DLGAP2: variants seen among roughly 807,000 people sequenced by gnomAD.
The protein encoded by DLGAP2 is disks large-associated protein 2.
DLGAP2 carries 26 observed loss-of-function variants against 100.3 expected under a neutral mutation model. The ratio of observed to expected loss-of-function variants is 0.26; its 90% CI spans 0.19 to 0.36. The LOEUF is 0.36. Among genes scored for constraint, DLGAP2 ranks in the 10% least tolerant of loss-of-function variants. The probability of loss-of-function intolerance (pLI) is 1.00; values close to 1 mark genes in which losing one functional copy is unlikely to be tolerated. For synonymous variants in DLGAP2, 886 were observed against 630.1 expected, an observed-to-expected ratio of 1.41 and a Z score of -6.08; for missense variants, 1,858 against 1,453.2, an observed-to-expected ratio of 1.28 and a Z score of -4.53.
chr8:1,466,234 G>A (rs1382284604), intron 3 of DLGAP2, among the ~76,000 whole-genome samples: 1 of 152,166 alleles, frequency 6.6e-6, no homozygotes, highest in East Asian at 1.9e-4. Context: ...CTAATCCACA[G>A]AGTGGGCTTT....
At chr8:1,620,689 A>G (rs1186582140) in intron 6 of DLGAP2, among the ~76,000 whole-genome samples, 6 of 151,902 alleles carry the variant, frequency 3.9e-5, no homozygotes, top group African/African-American at 1.5e-4. Context: ...TTGGTGTCTC[A>G]TGAGAAACCA....
intron 3 of DLGAP2, among the ~76,000 whole-genome samples, chr8:1,332,961 C>T (rs968630922): frequency 3.9e-5 from 6 of 152,180 alleles, no homozygotes; most frequent in African/African-American, 9.6e-5. Context: ...TACTCCCTTC[C>T]ACAAGCATGT....
intron 8 of DLGAP2, among the ~76,000 whole-genome samples, chr8:1,644,227 T>G (rs1797986036): frequency 6.6e-6 from 1 of 152,192 alleles, no homozygotes; most frequent in African/African-American, 2.4e-5. Context: ...CCATCCTGCC[T>G]GCAGGACATT....
At chr8:1,004,642 C>T (rs1801054087) in intron 2 of DLGAP2, among the ~76,000 whole-genome samples, 1 of 152,152 alleles carries the variant, frequency 6.6e-6, no homozygotes, top group South Asian at 2.1e-4. Context: ...CTGGCTCAGT[C>T]ACAGCTTAGA....
chr8:1,344,223 G>A lies in DLGAP2; in HGVS notation c.106+85340G>A, dbSNP rs76197274. Among the ~76,000 whole-genome samples, 68 of 45,812 alleles carry A rather than the reference G, an allele frequency of 1.5e-3. 2 individuals carry two copies. The East Asian group carries it at 0.015, about 10-fold the overall frequency. 30.1% of individuals were successfully genotyped at this position (45,812 alleles called of 152,430 possible). A position where few individuals can be genotyped will look rare whatever the true frequency, so the allele number is the denominator to read the frequency against. ...GGGGCCCTGTCGTGGGGCCTGTGCC[G>A]TGTAGAATCTGTAGCTGCACACTTC... On this transcript the variant is annotated intron_variant, in intron 3 of 14. Transcript: ENST00000637795.
chr8:1,453,732 A>C (rs950232041), intron 3 of DLGAP2, among the ~76,000 whole-genome samples: 1 of 152,240 alleles, frequency 6.6e-6, no homozygotes, highest in Non-Finnish European at 1.5e-5. Flanking sequence ...GAGAGTATGC[A>C]CTTGCCTATT....
At chr8:1,221,640 C>T (rs934203140) in intron 2 of DLGAP2, among the ~76,000 whole-genome samples, 1 of 152,146 alleles carries the variant, frequency 6.6e-6, no homozygotes, top group Non-Finnish European at 1.5e-5. Flanking sequence ...TCATATCAAC[C>T]TCTCTGGCAA....
At chr8:1,312,056 G>A (rs1800626052) in intron 3 of DLGAP2, among the ~76,000 whole-genome samples, 2 of 152,202 alleles carry the variant, frequency 1.3e-5, no homozygotes, top group African/African-American at 4.8e-5. Flanking sequence ...TCAATCAACT[G>A]AATCTGACAT....
intron 2 of DLGAP2, among the ~76,000 whole-genome samples, chr8:1,237,646 C>G (rs1295890307): frequency 6.9e-5 from 10 of 145,110 alleles, no homozygotes; most frequent in African/African-American, 2.3e-4. Flanking sequence ...GTCTAGTTCT[C>G]TCTCACACAT....
At chr8:1,357,213 T>C (rs1222058818) in intron 3 of DLGAP2, among the ~76,000 whole-genome samples, 1 of 152,040 alleles carries the variant, frequency 6.6e-6, no homozygotes, top group African/African-American at 2.4e-5. Flanking sequence ...CAGGTGGCCT[T>C]GGTGCAGACA....
chr8:1,630,468 C>T (rs1370937272), intron 7 of DLGAP2, among the ~76,000 whole-genome samples: 5 of 151,962 alleles, frequency 3.3e-5, no homozygotes, highest in Admixed American at 1.3e-4. Flanking sequence ...TTTGGGAGGC[C>T]GAGGTGGGTG....
At chr8:1,641,456 A>G (rs746143493) in intron 8 of DLGAP2, among the ~76,000 whole-genome samples, 1 of 152,182 alleles carries the variant, frequency 6.6e-6, no homozygotes, top group Admixed American at 6.5e-5. Context: ...AGGTAATGAG[A>G]TTTCAAGATG....
At chr8:949,650 G>A (rs1250386913) in intron 2 of DLGAP2, among the ~76,000 whole-genome samples, 1 of 152,222 alleles carries the variant, frequency 6.6e-6, no homozygotes, top group East Asian at 1.9e-4. Flanking sequence ...TTTCTGGCAG[G>A]TCCTCTTTCT....
intron 3 of DLGAP2, among the ~76,000 whole-genome samples, chr8:1,332,630 C>G (rs2117062425): frequency 6.6e-6 from 1 of 152,324 alleles, no homozygotes; most frequent in East Asian, 1.9e-4. Flanking sequence ...CTCCAGGTCA[C>G]ACGTCTAAGT....
chr8:1,572,876 G>A (rs1221480373), intron 6 of DLGAP2, among the ~76,000 whole-genome samples: 3 of 131,954 alleles, frequency 2.3e-5, no homozygotes, highest in Admixed American at 7.6e-5. Flanking sequence ...GGGGGCATCT[G>A]ATGAGATGGA....
At chr8:1,483,079 G>T (rs974180015) in intron 3 of DLGAP2, among the ~76,000 whole-genome samples, 1 of 152,174 alleles carries the variant, frequency 6.6e-6, no homozygotes, top group African/African-American at 2.4e-5. Context: ...AGGCGCAAGG[G>T]AGCCCCGCGG....
intron 4 of DLGAP2, among the ~76,000 whole-genome samples, chr8:1,514,637 C>T (rs943579022): frequency 1.3e-5 from 2 of 152,240 alleles, no homozygotes; most frequent in African/African-American, 4.8e-5. Flanking sequence ...CTATGTCACT[C>T]ATCCCTTCAC....
chr8:1,637,457 A>G (rs1444054609), intron 8 of DLGAP2, among the ~76,000 whole-genome samples: 1 of 152,010 alleles, frequency 6.6e-6, no homozygotes, highest in African/African-American at 2.4e-5. Context: ...ATAGCTTTCC[A>G]TAAGTCAACA....
intron 8 of DLGAP2, among the ~76,000 whole-genome samples, chr8:1,641,414 G>A (rs1338665288): frequency 1.3e-5 from 2 of 152,126 alleles, no homozygotes; most frequent in East Asian, 3.9e-4. Flanking sequence ...ACTTAGACTG[G>A]AATTACAACA....
Sources: gnomAD v4.1 joint callset for allele counts (sites outside exome capture counted in the v4.1 genomes callset) on GRCh38, gnomAD v4.1.1 for gene constraint, MANE v1.5 for transcripts, NCBI Gene and HGNC (gene_info 2026-07-23, HGNC 2026-07-21) for gene names.